Variants in CHRNG observed in about 807,000 individuals in gnomAD.
The protein encoded by CHRNG is acetylcholine receptor subunit gamma.
In CHRNG, 72 loss-of-function variants were observed where a neutral mutation model predicts 65.2. The observed-to-expected ratio is 1.10, with a 90% CI of 0.91 to 1.34. The LOEUF (loss-of-function observed/expected upper bound fraction) is 1.34. CHRNG is among the 40% of genes most tolerant of loss of function. CHRNG has a pLI of 0.00. For synonymous variants in CHRNG, 284 were observed against 290.2 expected (o/e 0.98, Z 0.22); for missense variants, 637 against 680.1 (o/e 0.94, Z 0.70).
intron 1 of CHRNG, 73 bp from the exon 2 acceptor site, chr2:232,539,919 A>C: frequency 6.2e-7 from 1 of 1,611,236 alleles, no homozygotes; most frequent in South Asian, 1.1e-5. Flanking sequence ...CTGAGTCCCC[A>C]CTTCACACCC....
Position 232,540,059 on chromosome 2 carries a change from G to A in CHRNG, c.123G>A (p.Leu41=), listed in dbSNP as rs990745349. ...TGATGCAAAACTACGACCCCAACCT[G>A]CGGCCCGCGGAACGAGACTCGGATG... ...ADLMQNYDPN[L]RPAERDSDVV... is the part of the protein sequence containing the mutation. The change falls in exon 2 of 12, where the codon CTG becomes CTA. Residue 41 remains leucine, a synonymous_variant. Coordinates refer to ENST00000651502, the MANE Select transcript of CHRNG (RefSeq NM_005199.5). This position sits in a 1 kb window ranked among gnomAD's most constrained non-coding sequence, Gnocchi z 4.2. The A allele has an allele frequency of 3.1e-6, 5 of 1,614,094 alleles. No homozygotes were observed. In the African/African-American group the frequency reaches 6.7e-5, roughly 22 times the overall value.
intron 9 of CHRNG, 137 bp from the exon 10 acceptor site, chr2:232,544,230 G>A (rs778233170): frequency 6.5e-6 from 5 of 765,058 alleles, no homozygotes; most frequent in Non-Finnish European, 1.2e-5. Flanking sequence ...GTCCAGTATA[G>A]AAAGCTTTAC....
At chr2:232,539,908 C>T (rs544064309) in intron 1 of CHRNG, 84 bp from the exon 2 acceptor site, 6 of 1,608,184 alleles carry the variant, frequency 3.7e-6, no homozygotes, top group African/African-American at 1.3e-5. Context: ...GACCCAGTTC[C>T]CTGAGTCCCC....
chr2:232,545,869 AAC>A lies in CHRNG; in HGVS notation c.*155_*156del. 1 of 895,636 alleles carries A rather than the reference AAC, an allele frequency of 1.1e-6. No homozygotes were observed. The highest frequency in any genetic ancestry group is 2.0e-5 in the Admixed American group (1 of 50,398). The allele number at this position is 895,636 out of a possible 1,614,324, so 55.5% of individuals were successfully genotyped here. ...AAACAGCCCTGAGAAAAGCTGGGGA[AAC>A]AGTCTGAGCTGGAGTCCGAGAGTGG... On this transcript the variant is annotated 3_prime_UTR_variant, in exon 12 of 12. Coordinates refer to ENST00000651502, the MANE Select transcript of CHRNG (RefSeq NM_005199.5).
rs1488389322 is a variant in CHRNG at position 232,543,297 on chromosome 2, C to T, written c.828C>T (p.Val276=). The T allele has an allele frequency of 9.3e-6, 15 of 1,613,878 alleles. No homozygotes were observed. The highest frequency in any genetic ancestry group is 5.5e-5 in the South Asian group (5 of 91,080). ...PAKAGGQKCT[V]AINVLLAQTV... ...TAGCTGGGGGCCAGAAGTGTACCGT[C>T]GCCATCAACGTGCTCCTGGCCCAGA... The change falls in exon 8 of 12, where the codon GTC becomes GTT. Residue 276 remains valine, a synonymous_variant. Coordinates refer to ENST00000651502, the MANE Select transcript of CHRNG (RefSeq NM_005199.5).
chr2:232,545,771 C>A lies in CHRNG; in HGVS notation c.*55C>A. The stretch of plus-strand genomic sequence containing the variant: ...GTCACACACGTGGGTCACACTGAGT[C>A]TTATCAGCCACGTTCTCCTACTGAG... On this transcript the variant is annotated 3_prime_UTR_variant, in exon 12 of 12. Coordinates refer to ENST00000651502, the MANE Select transcript of CHRNG (RefSeq NM_005199.5). 6.3e-7 allele frequency: 1 copy of A among 1,585,556 alleles called. No homozygotes were observed. The highest frequency in any genetic ancestry group is 1.1e-5 in the South Asian group (1 of 90,548).
chr2:232,543,731 C>A, intron 9 of CHRNG, 32 bp downstream of exon 9: 1 of 1,308,710 alleles, frequency 7.6e-7, no homozygotes, highest in Non-Finnish European at 1.1e-6. Flanking sequence ...TTCAACATCC[C>A]GCTGCCCACT....
rs200208278 is a variant in CHRNG, at chr2:232,544,422, C to T, written c.1091C>T (p.Pro364Leu). Residue 364 changes from proline to leucine, a missense_variant, in exon 10 of 12, where the codon CCG (proline) becomes CTG (leucine). Coordinates refer to ENST00000651502, the MANE Select transcript of CHRNG (RefSeq NM_005199.5). ...LLRMHVRPLAPAAVQDTQSRL... is the reference protein window; with the variant it reads ...LLRMHVRPLALAAVQDTQSRL... ...AGGATGCACGTTCGCCCGCTGGCCCCGGCAGCTGTGCAGGACACCCAGTCC... is the reference window on the plus strand; with the variant it reads ...AGGATGCACGTTCGCCCGCTGGCCCTGGCAGCTGTGCAGGACACCCAGTCC... 4.9e-5 allele frequency: 79 copies of T among 1,613,612 alleles called. No individual in the cohort carries two copies. The East Asian group carries it at 1.1e-3, about 23-fold the overall frequency.
chr2:232,540,785 T>C lies in CHRNG; in HGVS notation c.350+74T>C. ...CTGGGCCCAGCAGAACAAGGCACTC[T>C]GGGAAAAGAGAAAGATGAGCAGAGG... On this transcript the variant is annotated intron_variant, in intron 4 of 11. Transcript: ENST00000651502. This position sits in a 1 kb window ranked among gnomAD's most constrained non-coding sequence, Gnocchi z 4.2. 7.5e-7 allele frequency: 1 copy of C among 1,338,422 alleles called. No individual in the cohort carries two copies. 82.9% of individuals were successfully genotyped at this position (1,338,422 alleles called of 1,614,324 possible). A position where few individuals can be genotyped will look rare whatever the true frequency, so the allele number is the denominator to read the frequency against.
At chr2:232,544,993 G>A in intron 11 of CHRNG, 91 bp downstream of exon 11, 23 of 1,540,152 alleles carry the variant, frequency 1.5e-5, no homozygotes, top group Non-Finnish European at 2.0e-5. Context: ...CCAAGATAGG[G>A]CAGTGGGATG....
Position 232,544,476 on chromosome 2 carries a change from C to G in CHRNG, c.1145C>G (p.Ser382Trp). The change falls in exon 10 of 12, where the codon TCG becomes TGG. Residue 382 changes from serine to tryptophan, a missense_variant. Coordinates refer to ENST00000651502, the MANE Select transcript of CHRNG (RefSeq NM_005199.5). Reference protein sequence around the residue: ...SRLQNGSSGWSITTGEEVALC... With the variant: ...SRLQNGSSGWWITTGEEVALC... ...CTACAGAATGGCTCCTCGGGATGGTCGATCACAACTGGGGAGGAGGTGGCC... is the reference window on the plus strand; with the variant it reads ...CTACAGAATGGCTCCTCGGGATGGTGGATCACAACTGGGGAGGAGGTGGCC... 1 of 1,613,708 alleles carries G rather than the reference C, an allele frequency of 6.2e-7. No homozygotes were observed. Among genetic ancestry groups the G allele is most frequent in the Non-Finnish European group, 8.5e-7 (1 of 1,179,974 alleles).
At chr2:232,539,830 G>T (rs1211853989) in intron 1 of CHRNG, 28 bp downstream of exon 1, 6 of 1,613,336 alleles carry the variant, frequency 3.7e-6, no homozygotes, top group Non-Finnish European at 5.1e-6. Context: ...CTCAGCCTGG[G>T]GAGTCCCAGA....
chr2:232,545,824 C>T lies in CHRNG; in HGVS notation c.*108C>T, dbSNP rs937394965. 4 of 1,269,166 alleles carry T rather than the reference C, an allele frequency of 3.2e-6. No individual in the cohort carries two copies. Among genetic ancestry groups the T allele is most frequent in the South Asian group, 1.2e-5 (1 of 83,122 alleles). The allele number at this position is 1,269,166 out of a possible 1,614,324, so 78.6% of individuals were successfully genotyped here. On this transcript the variant is annotated 3_prime_UTR_variant, in exon 12 of 12. Transcript: ENST00000651502. ...CCTAAGTGTGCTCTTTGGGAAGTGC[C>T]CTTCAGGACTGTGTGAGCCAAACAG...
In CHRNG at chr2:232,540,294, G is replaced by A; in HGVS notation, c.196-87G>A. 1.2e-5 allele frequency: 20 copies of A among 1,602,318 alleles called. No homozygotes were observed. The highest frequency in any genetic ancestry group is 1.5e-5 in the Non-Finnish European group (17 of 1,169,494). On this transcript the variant is annotated intron_variant, in intron 2 of 11. Transcript: ENST00000651502. The surrounding 1 kb of genome is among the most constrained non-coding windows in gnomAD (Gnocchi z 4.2). ...TGGGGGGAGTACTATCAAGAGGCTG[G>A]GGGATGCTTGGCCCCATTGGTGGCC...
chr2:232,539,983 C>G lies in CHRNG; in HGVS notation c.56-9C>G, dbSNP rs760920143. On this transcript the variant is annotated splice_polypyrimidine_tract_variant and intron_variant, in intron 1 of 11. Coordinates refer to ENST00000651502, the MANE Select transcript of CHRNG (RefSeq NM_005199.5). Reference sequence around the variant, plus strand: ...AAGCTCCTGCTAGGCTCACGCCTGTCTATTGCAGGGGCCCAGGGCCGGAAC... The same window carrying G: ...AAGCTCCTGCTAGGCTCACGCCTGTGTATTGCAGGGGCCCAGGGCCGGAAC... 7 of 1,614,172 alleles carry G rather than the reference C, an allele frequency of 4.3e-6. No homozygotes were observed. The South Asian group carries it at 7.7e-5, about 18-fold the overall frequency.
In CHRNG at chr2:232,543,599, T is replaced by C; in HGVS notation, c.935T>C (p.Leu312Pro). The change falls in exon 9 of 12, where the codon CTC becomes CCC. Residue 312 changes from leucine to proline, a missense_variant. By Grantham distance (98) the Leu-to-Pro change is moderately conservative (BLOSUM62 -3). Transcript: ENST00000651502. The part of the protein sequence containing the change: ...VPLISKYLTF[L>P]LVVTILIVVN... ...CACCCTGACAGGTACCTGACCTTCC[T>C]CCTGGTGGTGACCATCCTCATTGTC... is the stretch of plus-strand genomic sequence containing the variant. 1.2e-6 allele frequency: 2 copies of C among 1,611,810 alleles called. No homozygotes were observed. Among genetic ancestry groups the C allele is most frequent in the Non-Finnish European group, 1.7e-6 (2 of 1,177,948 alleles).
In CHRNG at chr2:232,540,133, T is replaced by G. The variant is rs1238382593; in HGVS notation, c.195+2T>G. On this transcript the variant is annotated splice_donor_variant, in intron 2 of 11. Transcript: ENST00000651502. LOFTEE classifies it high-confidence loss of function. This position sits in a 1 kb window ranked among gnomAD's most constrained non-coding sequence, Gnocchi z 4.2. The stretch of plus-strand genomic sequence containing the variant: ...ACCCTCACCAACCTCATCTCCCTGG[T>G]AAGCCGCAGGACGGAGGAGGGGTCA... 6.2e-7 allele frequency: 1 copy of G among 1,614,112 alleles called. No homozygotes were observed.
chr2:232,540,717 G>C lies in CHRNG; in HGVS notation c.350+6G>C. On this transcript the variant is annotated splice_donor_region_variant and intron_variant, in intron 4 of 11. Coordinates refer to ENST00000651502, the MANE Select transcript of CHRNG (RefSeq NM_005199.5). The surrounding 1 kb of genome is among the most constrained non-coding windows in gnomAD (Gnocchi z 4.2). ...GATATCGTGCTGGAGAACAAGTGAG[G>C]AGGGGGTGCAGGCAGGGGTGTGGGG... 1.2e-6 allele frequency: 2 copies of C among 1,609,540 alleles called. No homozygotes were observed. The highest frequency in any genetic ancestry group is 1.3e-5 in the African/African-American group (1 of 74,980).
At position 232,543,312 on chromosome 2, in the gene CHRNG, C is replaced by T. The variant is rs1443560215; in HGVS notation, c.843C>T (p.Leu281=). 6.2e-7 allele frequency: 1 copy of T among 1,614,132 alleles called. No individual in the cohort carries two copies. Among genetic ancestry groups the T allele is most frequent in the South Asian group, 1.1e-5 (1 of 91,082 alleles). Residue 281 remains leucine (L), a synonymous_variant, in exon 8 of 12, where the codon CTC becomes CTT. Transcript: ENST00000651502. ...GQKCTVAINV[L]LAQTVFLFLV... is the part of the protein sequence containing the mutation. The stretch of plus-strand genomic sequence containing the variant: ...AGTGTACCGTCGCCATCAACGTGCT[C>T]CTGGCCCAGACTGTCTTCCTCTTCC...
Sources: allele counts gnomAD v4.1 joint callset, GRCh38; gene constraint gnomAD v4.1.1; non-coding constraint Gnocchi (gnomAD v3.1); transcripts MANE v1.5; gene names NCBI Gene and HGNC (gene_info 2026-07-23, HGNC 2026-07-21).